Variants in SAMD12 observed in about 807,000 individuals in gnomAD.
SAMD12 encodes sterile alpha motif domain containing 12.
Under a neutral mutation model 15.0 loss-of-function variants are expected in SAMD12, and 9 were observed. The observed-to-expected ratio is 0.60, with a 90% CI of 0.36 to 1.05. The LOEUF is 1.05. Ranked by LOEUF, SAMD12 falls within the 50% of genes least tolerant of loss-of-function variation. The pLI, the probability that SAMD12 is intolerant of heterozygous loss-of-function variation, is 0.01. For synonymous variants in SAMD12, 86 were observed against 90.1 expected, an observed-to-expected ratio of 0.96 and a Z score of 0.25; for missense variants, 230 against 234.2, an observed-to-expected ratio of 0.98 and a Z score of 0.12.
chr8:118,475,598 T>C (rs1372590306), intron 2 of SAMD12, among the ~76,000 whole-genome samples: 10 of 152,206 alleles, frequency 6.6e-5, no homozygotes, highest in Non-Finnish European at 1.0e-4. Flanking sequence ...AGAGCCAGGA[T>C]TGAAATCCAA....
chr8:118,253,850 T>C (rs1812871765), intron 4 of SAMD12, among the ~76,000 whole-genome samples: 1 of 152,176 alleles, frequency 6.6e-6, no homozygotes, highest in Non-Finnish European at 1.5e-5. Context: ...CCAACATATT[T>C]ACTGAGTGCC....
At chr8:118,539,097 G>A (rs1294323471) in intron 2 of SAMD12, among the ~76,000 whole-genome samples, 2 of 152,120 alleles carry the variant, frequency 1.3e-5, no homozygotes, top group Non-Finnish European at 2.9e-5. Flanking sequence ...ATTACATTCA[G>A]CACAAACGGC....
In SAMD12 at chr8:118,328,033, G is replaced by A. The variant is rs1463653282; in HGVS notation, c.433+51527C>T. 2.0e-5 allele frequency among the ~76,000 whole-genome samples: 3 copies of A among 152,176 alleles called. No homozygotes were observed. The East Asian group carries it at 5.8e-4, about 29-fold the overall frequency. Reference sequence around the variant, plus strand: ...CAAATATATAATAATGTAACAAACAGTTCATATATGTCAGTAATTCCTGAT... The same window carrying A: ...CAAATATATAATAATGTAACAAACAATTCATATATGTCAGTAATTCCTGAT... On this transcript the variant is annotated intron_variant, in intron 4 of 4. Transcript: ENST00000409003.
chr8:118,418,139 G>A (rs1028424352), intron 3 of SAMD12, among the ~76,000 whole-genome samples: 10 of 152,104 alleles, frequency 6.6e-5, no homozygotes, highest in African/African-American at 1.9e-4. Context: ...GAGGTAGTGC[G>A]TCCAAATAAA....
At chr8:118,480,071 T>G (rs913321415) in intron 2 of SAMD12, among the ~76,000 whole-genome samples, 1 of 152,176 alleles carries the variant, frequency 6.6e-6, no homozygotes, top group East Asian at 1.9e-4. Context: ...TTTGGAAAAC[T>G]TCAGCATTAG....
intron 3 of SAMD12, among the ~76,000 whole-genome samples, chr8:118,388,758 T>C (rs1820101178): frequency 6.6e-6 from 1 of 152,244 alleles, no homozygotes; most frequent in African/African-American, 2.4e-5. Flanking sequence ...TCTTCAACTA[T>C]GTCCCAAGGG....
rs1441310335 is a variant in SAMD12, at chr8:118,378,105, A to G, written c.*1312T>C. ...AAATTGGGCTTATATTATGCATACA[A>G]TTTTACACATGACCTTTCCTCCCAC... On this transcript the variant is annotated 3_prime_UTR_variant, in exon 4 of 4. Transcript: ENST00000314727. 6.6e-6 allele frequency: 1 copy of G among 152,318 alleles called. No homozygotes were observed. Among genetic ancestry groups the G allele is most frequent in the Admixed American group, 6.5e-5 (1 of 15,274 alleles). 9.4% of individuals were successfully genotyped at this position (152,318 alleles called of 1,614,324 possible). A position where few individuals can be genotyped will look rare whatever the true frequency, so the allele number is the denominator to read the frequency against.
chr8:118,281,009 G>A (rs147315741), intron 4 of SAMD12, among the ~76,000 whole-genome samples: 42 of 151,964 alleles, frequency 2.8e-4, no homozygotes, highest in African/African-American at 9.9e-4. Flanking sequence ...AAGTTTACAT[G>A]GACTCTTTAT....
chr8:118,176,379 C>T, the SAMD12 span, among the ~76,000 whole-genome samples: 1 of 152,140 alleles, frequency 6.6e-6, no homozygotes, highest in African/African-American at 2.4e-5. Context: ...TTCATCACAG[C>T]ACTATTCACT....
intron 4 of SAMD12, among the ~76,000 whole-genome samples, chr8:118,275,495 T>C (rs1177381743): frequency 1.3e-5 from 2 of 152,206 alleles, no homozygotes; most frequent in Admixed American, 6.5e-5. Flanking sequence ...ATTTACATGC[T>C]TTGGAATGGA....
chr8:118,223,598 T>C (rs1812126650), intron 4 of SAMD12, among the ~76,000 whole-genome samples: 1 of 152,212 alleles, frequency 6.6e-6, no homozygotes, highest in Non-Finnish European at 1.5e-5. Flanking sequence ...AGAGACTGGC[T>C]CCTGTCTTCA....
intron 2 of SAMD12, among the ~76,000 whole-genome samples, chr8:118,569,212 T>C (rs577912979): frequency 2.0e-5 from 3 of 152,302 alleles, no homozygotes; most frequent in East Asian, 3.9e-4. Flanking sequence ...AATTCTACTC[T>C]TGACCTCATA....
At chr8:118,267,318 C>T (rs1028564289) in intron 4 of SAMD12, among the ~76,000 whole-genome samples, 2 of 152,040 alleles carry the variant, frequency 1.3e-5, no homozygotes, top group African/African-American at 4.8e-5. Flanking sequence ...CTTTATGATG[C>T]CATGATTCTC....
At chr8:118,213,270 C>T (rs1163833077) in intron 4 of SAMD12, among the ~76,000 whole-genome samples, 1 of 152,166 alleles carries the variant, frequency 6.6e-6, no homozygotes, top group African/African-American at 2.4e-5. Flanking sequence ...CTTGGACCAA[C>T]AGCATATGAC....
chr8:118,173,586 G>T, the SAMD12 span, among the ~76,000 whole-genome samples: 8,339 of 146,458 alleles, frequency 0.057, 566 homozygotes, highest in African/African-American at 0.15. Flanking sequence ...TTTAACTATA[G>T]ATTATATATT....
In SAMD12 at chr8:118,580,814, T is replaced by C; in HGVS notation, c.93A>G (p.Glu31=). The C allele has an allele frequency of 6.2e-7, 1 of 1,612,692 alleles. No homozygotes were observed. Among genetic ancestry groups the C allele is most frequent in the Non-Finnish European group, 8.5e-7 (1 of 1,178,954 alleles). The change falls in exon 2 of 4, where the codon GAA becomes GAG. Residue 31 remains glutamate (E), a synonymous_variant. Coordinates refer to ENST00000314727, the MANE Select transcript of SAMD12 (RefSeq NM_207506.3). ...TTTTAATGGATTGAGATTCCACACCTTCACCTTCAATTTGCAGTTTAATAC... is the reference window on the plus strand; with the variant it reads ...TTTTAATGGATTGAGATTCCACACCCTCACCTTCAATTTGCAGTTTAATAC... ...AEGIKLQIEG[E]GVESQSIKNK...
intron 3 of SAMD12, among the ~76,000 whole-genome samples, chr8:118,404,425 G>C (rs895029117): frequency 2.6e-5 from 4 of 152,050 alleles, no homozygotes; most frequent in Non-Finnish European, 5.9e-5. Flanking sequence ...TTTTCCATCT[G>C]GAATTCCAAT....
intron 2 of SAMD12, among the ~76,000 whole-genome samples, chr8:118,545,764 A>C (rs1826107352): frequency 6.6e-6 from 1 of 152,234 alleles, no homozygotes; most frequent in South Asian, 2.1e-4. Flanking sequence ...AAATGTTAAA[A>C]GGTTTAAAAA....
chr8:118,620,086 T>A (rs1182502663), intron 1 of SAMD12, among the ~76,000 whole-genome samples: 1 of 152,220 alleles, frequency 6.6e-6, no homozygotes, highest in Non-Finnish European at 1.5e-5. Context: ...AAGTTCTTGT[T>A]TTTGTAAAGT....
Sources: gnomAD v4.1 joint callset for allele counts (sites outside exome capture counted in the v4.1 genomes callset) on GRCh38, gnomAD v4.1.1 for gene constraint, MANE v1.5 for transcripts, NCBI Gene and HGNC (gene_info 2026-07-23, HGNC 2026-07-21) for gene names.